The following CERS6 variants were observed in gnomAD, a reference collection of about 807,000 sequenced individuals.
CERS6 encodes the protein ceramide synthase 6.
CERS6 carries 26 observed loss-of-function variants against 56.8 expected under a neutral mutation model. The ratio of observed to expected loss-of-function variants is 0.46; its 90% CI spans 0.34 to 0.63. The LOEUF (loss-of-function observed/expected upper bound fraction) is 0.63. Among genes scored for constraint, CERS6 ranks in the 30% least tolerant of loss-of-function variants. The pLI, the probability that CERS6 is intolerant of heterozygous loss-of-function variation, is 0.01. For synonymous variants in CERS6, 164 were observed against 173.3 expected (o/e 0.95, Z 0.42); for missense variants, 415 against 467.5 (o/e 0.89, Z 1.04).
chr2:168,578,254 G>A (rs2105393986), intron 3 of CERS6, among the ~76,000 whole-genome samples: 1 of 151,922 alleles, frequency 6.6e-6, no homozygotes, highest in South Asian at 2.1e-4. Context: ...TCAGTCTGTA[G>A]CTTTTGAAGA....
chr2:168,483,231 T>C (rs1167298783), intron 1 of CERS6, among the ~76,000 whole-genome samples: 4 of 152,200 alleles, frequency 2.6e-5, no homozygotes, highest in African/African-American at 7.2e-5. Flanking sequence ...TTTTTATAGA[T>C]GTGGAGATTA....
chr2:168,715,199 TTCAGTGTTATGCTAG>T, intron 7 of CERS6, 70 bp downstream of exon 7: 1 of 1,385,700 alleles, frequency 7.2e-7, no homozygotes, highest in Non-Finnish European at 9.9e-7. Flanking sequence ...TCATTAGCTC[TTCAGTGTTATGCTAG>T]ATGGTGCTTG....
chr2:168,611,683 A>G lies in CERS6; in HGVS notation c.408-19302A>G, dbSNP rs566678403. ...ACTTAACATTTTCAGAGCTGCTTGT[A>G]CAAAGTACAGATTTAGTTAGTAGCA... is the stretch of plus-strand genomic sequence containing the variant. On this transcript the variant is annotated intron_variant, in intron 3 of 9. Transcript: ENST00000305747. 5.3e-5 allele frequency among the ~76,000 whole-genome samples: 8 copies of G among 152,364 alleles called. No homozygotes were observed. The South Asian group carries it at 1.7e-3, about 32-fold the overall frequency.
chr2:168,559,342 A>G (rs1427046662), intron 2 of CERS6, among the ~76,000 whole-genome samples: 1 of 152,184 alleles, frequency 6.6e-6, no homozygotes, highest in Non-Finnish European at 1.5e-5. Context: ...CTGTAACAGA[A>G]TACTATCAAC....
chr2:168,714,806 C>G (rs115265576), intron 6 of CERS6, among the ~76,000 whole-genome samples, 195 bp from the exon 7 acceptor site: 1,994 of 152,268 alleles, frequency 0.013, 43 homozygotes, highest in African/African-American at 0.045. Context: ...TCTTGGGCTT[C>G]CACTGATCTC....
At chr2:168,487,314 C>T (rs1694292536) in intron 1 of CERS6, among the ~76,000 whole-genome samples, 1 of 152,120 alleles carries the variant, frequency 6.6e-6, no homozygotes, top group Non-Finnish European at 1.5e-5. Flanking sequence ...GATGAATTTC[C>T]ATTGTAGAAT....
At chr2:168,636,785 C>T (rs76726513) in intron 4 of CERS6, among the ~76,000 whole-genome samples, 2,623 of 152,254 alleles carry the variant, frequency 0.017, 101 homozygotes, top group East Asian at 0.16. Context: ...CTTTCATTTA[C>T]CCTACCTCAT....
chr2:168,699,705 C>T (rs1686756988), intron 6 of CERS6, among the ~76,000 whole-genome samples: 1 of 151,962 alleles, frequency 6.6e-6, no homozygotes, highest in African/African-American at 2.4e-5. Flanking sequence ...TAATCATTTC[C>T]AGAGTTGGTA....
chr2:168,769,934 G>T lies in CERS6; in HGVS notation c.*272G>T. 2.8e-6 allele frequency: 1 copy of T among 351,242 alleles called. No homozygotes were observed. The highest frequency in any genetic ancestry group is 5.1e-6 in the Non-Finnish European group (1 of 195,538). 21.8% of individuals were successfully genotyped at this position (351,242 alleles called of 1,614,324 possible). ...GAATATTATTTATTTTTTTGTATTT[G>T]TAAATCTGTGGACAAAAGAGGGTTT... On this transcript the variant is annotated 3_prime_UTR_variant, in exon 10 of 10. Coordinates refer to ENST00000305747, the MANE Select transcript of CERS6 (RefSeq NM_203463.3).
At chr2:168,513,869 G>A (rs1694839617) in intron 1 of CERS6, among the ~76,000 whole-genome samples, 1 of 152,102 alleles carries the variant, frequency 6.6e-6, no homozygotes, top group South Asian at 2.1e-4. Flanking sequence ...ACCAGAGCTA[G>A]GGAGAGAGAG....
intron 8 of CERS6, among the ~76,000 whole-genome samples, chr2:168,721,569 T>TAAACA (rs1381972673): frequency 3.9e-4 from 51 of 130,776 alleles, no homozygotes; most frequent in Admixed American, 1.3e-3. Flanking sequence ...TTTTTTTGTT[T>TAAACA]AAAAAAAACC....
chr2:168,678,849 A>G (rs937035577), intron 4 of CERS6, among the ~76,000 whole-genome samples: 7 of 152,228 alleles, frequency 4.6e-5, no homozygotes, highest in Admixed American at 3.9e-4. Context: ...TTCAAAGGGA[A>G]GGAAATCAGT....
At chr2:168,645,412 T>C (rs1032420688) in intron 4 of CERS6, among the ~76,000 whole-genome samples, 41 of 151,760 alleles carry the variant, frequency 2.7e-4, no homozygotes, top group African/African-American at 9.4e-4. Flanking sequence ...CATATTTTAA[T>C]GAAGATAATG....
At chr2:168,615,119 C>T (rs1317154590) in intron 3 of CERS6, among the ~76,000 whole-genome samples, 2 of 152,032 alleles carry the variant, frequency 1.3e-5, no homozygotes, top group Non-Finnish European at 2.9e-5. Context: ...AGAGAGATGA[C>T]AGTCACTACA....
At chr2:168,761,047 G>T (rs1167859675) in intron 8 of CERS6, among the ~76,000 whole-genome samples, 7 of 152,080 alleles carry the variant, frequency 4.6e-5, no homozygotes, top group Non-Finnish European at 2.9e-5. Flanking sequence ...GTGAGCCACC[G>T]CGCCCGGCCG....
At chr2:168,703,939 A>G (rs2105375513) in intron 6 of CERS6, among the ~76,000 whole-genome samples, 1 of 152,292 alleles carries the variant, frequency 6.6e-6, no homozygotes, top group Non-Finnish European at 1.5e-5. Flanking sequence ...AGCTCATTTT[A>G]ATAAGCTACC....
intron 1 of CERS6, among the ~76,000 whole-genome samples, chr2:168,498,781 G>A (rs937257233): frequency 2.0e-5 from 3 of 152,190 alleles, no homozygotes; most frequent in African/African-American, 7.2e-5. Flanking sequence ...AGAAGGGATG[G>A]GCAGCGTCAG....
chr2:168,745,462 T>C (rs10176364), intron 8 of CERS6, among the ~76,000 whole-genome samples: 2,030 of 152,158 alleles, frequency 0.013, 46 homozygotes, highest in African/African-American at 0.046. Flanking sequence ...AGGATGGTCT[T>C]GATCTCCTGA....
Position 168,456,328 on chromosome 2 carries a change from C to A in CERS6, c.-121C>A. On this transcript the variant is annotated 5_prime_UTR_variant, in exon 1 of 10. Coordinates refer to ENST00000305747, the MANE Select transcript of CERS6 (RefSeq NM_203463.3). The surrounding 1 kb of genome is among the most constrained non-coding windows in gnomAD (Gnocchi z 4.1). Reference sequence around the variant, plus strand: ...CCGCGGAGGAGGCGGCGGCGGCGGGCGGGAGCAGCGGCGGCGGCGGCACAG... The same window carrying A: ...CCGCGGAGGAGGCGGCGGCGGCGGGAGGGAGCAGCGGCGGCGGCGGCACAG... The A allele has an allele frequency of 2.0e-6, 1 of 509,748 alleles. No homozygotes were observed. The highest frequency in any genetic ancestry group is 2.8e-6 in the Non-Finnish European group (1 of 363,038). 31.6% of individuals were successfully genotyped at this position (509,748 alleles called of 1,614,324 possible). A position where few individuals can be genotyped will look rare whatever the true frequency, so the allele number is the denominator to read the frequency against.
Sources: gnomAD v4.1 joint callset for allele counts (sites outside exome capture counted in the v4.1 genomes callset) on GRCh38, gnomAD v4.1.1 for gene constraint, Gnocchi (gnomAD v3.1) non-coding constraint, MANE v1.5 for transcripts, NCBI Gene and HGNC (gene_info 2026-07-23, HGNC 2026-07-21) for gene names.